Variants in ZDHHC7 observed in about 807,000 individuals in gnomAD.
ZDHHC7 encodes the protein zDHHC palmitoyltransferase 7.
ZDHHC7 carries 12 observed loss-of-function variants against 34.1 expected under a neutral mutation model. That is an observed-to-expected ratio of 0.35 (90% CI 0.23 to 0.57). The LOEUF (loss-of-function observed/expected upper bound fraction) is 0.57. ZDHHC7 is among the 20% of genes least tolerant of loss of function. The pLI is 0.84. For synonymous variants in ZDHHC7, 185 were observed against 155.4 expected (o/e 1.19, Z -1.42); for missense variants, 388 against 402.7 (o/e 0.96, Z 0.31).
chr16:85,020,482 T>C, the ZDHHC7 span, among the ~76,000 whole-genome samples: 1,333 of 152,304 alleles, frequency 8.8e-3, 5 homozygotes, highest in Non-Finnish European at 0.013. Flanking sequence ...CCCAGGACTC[T>C]GACTTGGTCT....
At chr16:85,021,363 G>T in the ZDHHC7 span, among the ~76,000 whole-genome samples, 1 of 135,806 alleles carries the variant, frequency 7.4e-6, no homozygotes, top group East Asian at 2.3e-4. Context: ...AGTGAGCCAA[G>T]ATTATGCCAC....
At chr16:85,011,800 C>T (rs1008771189), upstream of ZDHHC7, among the ~76,000 whole-genome samples, 5 of 152,230 alleles carry the variant, frequency 3.3e-5, no homozygotes, top group East Asian at 5.8e-4. Context: ...TGGGAATGCC[C>T]TTAGCGGAGT....
At chr16:85,003,852 G>C (rs368570961) in intron 1 of ZDHHC7, among the ~76,000 whole-genome samples, 4 of 152,112 alleles carry the variant, frequency 2.6e-5, no homozygotes, top group East Asian at 1.9e-4. Flanking sequence ...TCAGGAGTGA[G>C]GGGCCTGGGG....
Position 84,987,856 on chromosome 16 carries a change from G to A in ZDHHC7, c.315+2448C>T, listed in dbSNP as rs117180206. On this transcript the variant is annotated intron_variant, in intron 3 of 7. Coordinates refer to ENST00000313732, the MANE Select transcript of ZDHHC7 (RefSeq NM_017740.3). ...GAGCCAGGCACAAAAGGCCACAGAC[G>A]AGATGACTATGAAAGTCCCTCAACA... Among the ~76,000 whole-genome samples, 74 of 152,322 alleles carry A rather than the reference G, an allele frequency of 4.9e-4. No individual in the cohort carries two copies. The East Asian group carries it at 0.012, about 25-fold the overall frequency.
intron 1 of ZDHHC7, among the ~76,000 whole-genome samples, chr16:85,002,308 G>C (rs1251596475): frequency 6.6e-6 from 1 of 152,078 alleles, no homozygotes; most frequent in Non-Finnish European, 1.5e-5. Context: ...GTACGGAAAG[G>C]AGGAAAATAA....
intron 3 of ZDHHC7, among the ~76,000 whole-genome samples, chr16:84,985,400 G>C (rs2072423417): frequency 6.6e-6 from 1 of 152,236 alleles, no homozygotes; most frequent in South Asian, 2.1e-4. Context: ...GCCTAACTAA[G>C]CGGCAGGTAA....
intron 3 of ZDHHC7, among the ~76,000 whole-genome samples, chr16:84,989,561 G>A (rs1178866727): frequency 1.3e-5 from 2 of 151,956 alleles, no homozygotes; most frequent in African/African-American, 4.8e-5. Flanking sequence ...CAGGCATGGT[G>A]GTGCATGCCT....
chr16:85,017,416 T>C, the ZDHHC7 span, among the ~76,000 whole-genome samples: 1 of 152,126 alleles, frequency 6.6e-6, no homozygotes, highest in Non-Finnish European at 1.5e-5. Flanking sequence ...GAGAGTGTAA[T>C]TGTTTAACTG....
intron 1 of ZDHHC7, among the ~76,000 whole-genome samples, chr16:85,003,093 C>T (rs568472076): frequency 3.3e-5 from 5 of 152,130 alleles, no homozygotes; most frequent in South Asian, 2.1e-4. Context: ...AGCAGAGTAA[C>T]GAAGGCAAGA....
At chr16:84,979,156 A>G in intron 5 of ZDHHC7, 33 bp downstream of exon 5, 1 of 1,572,006 alleles carries the variant, frequency 6.4e-7, no homozygotes, top group Non-Finnish European at 8.6e-7. Context: ...TTCAAATTCA[A>G]TGTAAATTCA....
chr16:84,997,639 A>T (rs1478193147), intron 1 of ZDHHC7, among the ~76,000 whole-genome samples: 1 of 151,090 alleles, frequency 6.6e-6, no homozygotes, highest in Non-Finnish European at 1.5e-5. Context: ...TCACGCCTGT[A>T]ACCCCAGCAC....
At chr16:85,005,321 C>T (rs1225868535) in intron 1 of ZDHHC7, among the ~76,000 whole-genome samples, 2 of 152,184 alleles carry the variant, frequency 1.3e-5, no homozygotes, top group Non-Finnish European at 2.9e-5. Flanking sequence ...GAAAATATGA[C>T]ATGCTAACAA....
the ZDHHC7 span, among the ~76,000 whole-genome samples, chr16:85,018,037 A>G: frequency 6.6e-6 from 1 of 151,950 alleles, no homozygotes; most frequent in Non-Finnish European, 1.5e-5. Context: ...TAGGATATTA[A>G]TGAGTGTATA....
chr16:85,011,624 C>T (rs2072795179), upstream of ZDHHC7: 1 of 152,220 alleles, frequency 6.6e-6, no homozygotes, highest in African/African-American at 2.4e-5. Context: ...TTTGAGGGGA[C>T]CCGGAGGCTC....
At position 84,990,412 on chromosome 16, in the gene ZDHHC7, C is replaced by T. The variant is rs934786689; in HGVS notation, c.207G>A (p.Met69Ile). The change falls in exon 3 of 8, where the codon ATG becomes ATA. Residue 69 changes from methionine to isoleucine, a missense_variant. Coordinates refer to ENST00000313732, the MANE Select transcript of ZDHHC7 (RefSeq NM_017740.3). The stretch of plus-strand genomic sequence containing the variant: ...ACCAGAAGTCTTTGGAAGGCAGCAG[C>T]ATGACGAAAGTCACCACGAAGTCTG... The part of the protein sequence containing the change: ...AYADFVVTFV[M>I]LLPSKDFWYS... The T allele has an allele frequency of 5.0e-6, 8 of 1,614,162 alleles. No homozygotes were observed. Among genetic ancestry groups the T allele is most frequent in the Non-Finnish European group, 6.8e-6 (8 of 1,180,034 alleles).
At chr16:85,017,129 A>C in the ZDHHC7 span, among the ~76,000 whole-genome samples, 9,919 of 152,258 alleles carry the variant, frequency 0.065, 372 homozygotes, top group Middle Eastern at 0.085. Flanking sequence ...TTTAATCATG[A>C]GCATGTATTC....
At chr16:84,991,738 ATCC>A (rs1252251463) in intron 2 of ZDHHC7, among the ~76,000 whole-genome samples, 2 of 152,044 alleles carry the variant, frequency 1.3e-5, no homozygotes, top group African/African-American at 4.8e-5. Context: ...CCTGGGCTCA[ATCC>A]TCCTGCCTCA....
chr16:85,010,796 G>A (rs1050060707), intron 1 of ZDHHC7, among the ~76,000 whole-genome samples: 3 of 152,190 alleles, frequency 2.0e-5, no homozygotes, highest in Admixed American at 6.5e-5. Flanking sequence ...ACCCAAAGAT[G>A]ACTGACGTGG....
chr16:85,027,598 C>A, the ZDHHC7 span, among the ~76,000 whole-genome samples: 9 of 152,328 alleles, frequency 5.9e-5, no homozygotes, highest in African/African-American at 1.4e-4. Flanking sequence ...CCCGAGAGCG[C>A]TCCCACCGAG....
Sources: allele counts gnomAD v4.1 joint callset (sites outside exome capture counted in the v4.1 genomes callset), GRCh38; gene constraint gnomAD v4.1.1; transcripts MANE v1.5; gene names NCBI Gene and HGNC (gene_info 2026-07-23, HGNC 2026-07-21).